The following DLG2 variants were observed in gnomAD, a reference collection of about 807,000 sequenced individuals.
DLG2 encodes disks large homolog 2.
In DLG2, 45 loss-of-function variants were observed where a neutral mutation model predicts 132.5. The observed-to-expected ratio is 0.34, with a 90% confidence interval of 0.27 to 0.44. The LOEUF (loss-of-function observed/expected upper bound fraction) is 0.44, where lower values mean the gene tolerates loss of function less well. Among genes scored for constraint, DLG2 ranks in the 20% least tolerant of loss-of-function variants. The pLI is 1.00. For missense variants in DLG2, 1,045 were observed against 1,196.9 expected (o/e 0.87, Z 1.87); for synonymous variants, 424 against 419.6 (o/e 1.01, Z -0.13).
chr11:84,596,184 T>TTC (rs1555079095), intron 6 of DLG2, among the ~76,000 whole-genome samples: 1 of 139,868 alleles, frequency 7.1e-6, no homozygotes, highest in Non-Finnish European at 1.5e-5. Flanking sequence ...TTTCCTTCTT[T>TTC]TCTCTGTCTC....
intron 7 of DLG2, among the ~76,000 whole-genome samples, chr11:84,363,973 G>A (rs1305515003): frequency 6.6e-6 from 1 of 151,986 alleles, no homozygotes; most frequent in Non-Finnish European, 1.5e-5. Context: ...TTTAGGCTTA[G>A]GATTGACTTG....
At chr11:84,942,447 AT>A (rs1470717588) in intron 6 of DLG2, among the ~76,000 whole-genome samples, 2 of 151,940 alleles carry the variant, frequency 1.3e-5, no homozygotes, top group Admixed American at 6.6e-5. Flanking sequence ...TTTTTAAGAG[AT>A]TTTAACATTT....
chr11:84,634,604 A>G (rs2099637462), intron 6 of DLG2, among the ~76,000 whole-genome samples: 1 of 152,190 alleles, frequency 6.6e-6, no homozygotes, highest in South Asian at 2.1e-4. Flanking sequence ...CTAACTATAG[A>G]GCTACCCAGA....
At chr11:85,167,063 A>G (rs891110867) in intron 4 of DLG2, among the ~76,000 whole-genome samples, 1 of 152,132 alleles carries the variant, frequency 6.6e-6, no homozygotes, top group East Asian at 1.9e-4. Flanking sequence ...TTGGAAATGA[A>G]TGTCAGTACT....
chr11:85,522,560 C>T (rs1301167886), intron 3 of DLG2, among the ~76,000 whole-genome samples: 2 of 152,164 alleles, frequency 1.3e-5, no homozygotes, highest in Non-Finnish European at 2.9e-5. Flanking sequence ...CACAGACACT[C>T]AATGTCAGCC....
intron 18 of DLG2, among the ~76,000 whole-genome samples, chr11:83,661,487 G>C (rs2074263668): frequency 6.6e-6 from 1 of 152,148 alleles, no homozygotes; most frequent in South Asian, 2.1e-4. Context: ...CACCTACTAT[G>C]TGCCAGATAA....
intron 7 of DLG2, among the ~76,000 whole-genome samples, chr11:84,394,856 G>A (rs1215457217): frequency 6.6e-6 from 1 of 152,034 alleles, no homozygotes; most frequent in Non-Finnish European, 1.5e-5. Context: ...TCCTGACCTC[G>A]TGATCCATCC....
At chr11:83,925,677 C>A (rs1444340908) in intron 15 of DLG2, among the ~76,000 whole-genome samples, 1 of 152,008 alleles carries the variant, frequency 6.6e-6, no homozygotes, top group Admixed American at 6.6e-5. Context: ...CCATCCAAAA[C>A]CTGCCAATAT....
chr11:83,569,802 TG>T (rs1479281366), intron 19 of DLG2, among the ~76,000 whole-genome samples: 1 of 152,232 alleles, frequency 6.6e-6, no homozygotes, highest in Non-Finnish European at 1.5e-5. Flanking sequence ...GGAAGATCTC[TG>T]CCATGGCAGG....
chr11:84,443,441 G>T (rs913121397), intron 7 of DLG2, among the ~76,000 whole-genome samples: 1 of 152,086 alleles, frequency 6.6e-6, no homozygotes, highest in African/African-American at 2.4e-5. Context: ...AATGTAATTG[G>T]TGGATCACAG....
intron 18 of DLG2, among the ~76,000 whole-genome samples, chr11:83,764,197 A>C (rs1465865411): frequency 6.6e-6 from 1 of 152,182 alleles, no homozygotes; most frequent in Non-Finnish European, 1.5e-5. Context: ...TGGCTACCAG[A>C]TCCCCTGAGA....
intron 7 of DLG2, among the ~76,000 whole-genome samples, chr11:84,502,350 CT>C (rs1567806177): frequency 9.4e-5 from 5 of 53,286 alleles, no homozygotes; most frequent in African/African-American, 1.2e-4. Flanking sequence ...TTCTTTCTTT[CT>C]TTCTTTCTTT....
chr11:85,442,354 G>A (rs1419923064), intron 3 of DLG2, among the ~76,000 whole-genome samples: 2 of 152,186 alleles, frequency 1.3e-5, no homozygotes, highest in Admixed American at 1.3e-4. Flanking sequence ...GACTAGAGCA[G>A]TAGCAGTGGC....
At chr11:83,618,008 C>T (rs893765222) in intron 19 of DLG2, among the ~76,000 whole-genome samples, 2 of 152,026 alleles carry the variant, frequency 1.3e-5, no homozygotes, top group African/African-American at 4.8e-5. Flanking sequence ...AAAAAAAGTA[C>T]AATGTTTGCC....
intron 3 of DLG2, among the ~76,000 whole-genome samples, chr11:85,331,364 C>T (rs921043975): frequency 3.3e-5 from 5 of 152,130 alleles, no homozygotes; most frequent in Admixed American, 6.6e-5. Context: ...AAGATGCTAG[C>T]GGTAATAAAA....
At chr11:83,714,446 C>G (rs2086221413) in intron 18 of DLG2, among the ~76,000 whole-genome samples, 1 of 152,196 alleles carries the variant, frequency 6.6e-6, no homozygotes, top group East Asian at 1.9e-4. Flanking sequence ...AAAACTGATA[C>G]TATTAGAGAT....
intron 18 of DLG2, among the ~76,000 whole-genome samples, chr11:83,664,820 C>G (rs923033180): frequency 1.3e-5 from 2 of 152,134 alleles, no homozygotes; most frequent in Admixed American, 1.3e-4. Context: ...TGGAAAGGTC[C>G]TCTTCTGAAA....
intron 18 of DLG2, among the ~76,000 whole-genome samples, chr11:83,757,366 G>T (rs1340895452): frequency 1.3e-5 from 2 of 152,118 alleles, no homozygotes; most frequent in Non-Finnish European, 2.9e-5. Context: ...AGACTGCATT[G>T]TTTACATTCT....
chr11:84,117,547 T>C (rs959744496), intron 9 of DLG2, among the ~76,000 whole-genome samples: 3 of 152,186 alleles, frequency 2.0e-5, no homozygotes, highest in East Asian at 1.9e-4. Flanking sequence ...TCTTTCCTCA[T>C]GTATCTAAAC....
Sources: gnomAD v4.1 joint callset for allele counts (sites outside exome capture counted in the v4.1 genomes callset) on GRCh38, gnomAD v4.1.1 for gene constraint, MANE v1.5 for transcripts, NCBI Gene and HGNC (gene_info 2026-07-23, HGNC 2026-07-21) for gene names.